The following MYO5B variants were observed in gnomAD, a reference collection of about 807,000 sequenced individuals.
MYO5B encodes the protein unconventional myosin-Vb.
A neutral mutation model predicts 229.3 loss-of-function variants in MYO5B; 143 were observed. The ratio of observed to expected loss-of-function variants is 0.62; its 90% CI spans 0.54 to 0.72. The LOEUF is 0.72. MYO5B is among the 30% of genes least tolerant of loss of function. The probability of loss-of-function intolerance (pLI) is 0.00; values close to 1 mark genes in which losing one functional copy is unlikely to be tolerated. For missense variants in MYO5B, 2,321 were observed against 2,331.0 expected (o/e 1.00, Z 0.09); for synonymous variants, 918 against 885.2 (o/e 1.04, Z -0.66).
chr18:49,915,097 G>A (rs902305556), intron 17 of MYO5B, among the ~76,000 whole-genome samples: 11 of 152,250 alleles, frequency 7.2e-5, no homozygotes, highest in East Asian at 3.9e-4. Context: ...GAGAAGGGGT[G>A]AGTATAAGAG....
intron 6 of MYO5B, among the ~76,000 whole-genome samples, chr18:49,991,830 T>TA (rs144501172): frequency 0.044 from 6,756 of 152,140 alleles, 181 homozygotes; most frequent in Non-Finnish European, 0.06. Context: ...TAATTTTTTT[T>TA]AAAAAATGGG....
At chr18:49,987,386 C>A (rs981574845) in intron 7 of MYO5B, among the ~76,000 whole-genome samples, 33 of 152,184 alleles carry the variant, frequency 2.2e-4, no homozygotes, top group African/African-American at 8.0e-4. Flanking sequence ...AGTCTTCCCC[C>A]ACCTGCTTGG....
Position 49,953,894 on chromosome 18 carries a change from ATGTGTGTGTGTGTGTGTGTGTGTGTG to A in MYO5B, c.1668+393_1668+418del, listed in dbSNP as rs71169463. Among the ~76,000 whole-genome samples the A allele has an allele frequency of 6.1e-4, 66 of 108,550 alleles. No homozygotes were observed. In the East Asian group the frequency reaches 0.012, roughly 19 times the overall value. 71.2% of individuals were successfully genotyped at this position (108,550 alleles called of 152,430 possible). ...TGCTTTAGAATTTATATATACATAT[ATGTGTGTGTGTGTGTGTGTGTGTGTG>A]TGTGTGTGTGTGTAGACTATATATA... is the stretch of plus-strand genomic sequence containing the variant. On this transcript the variant is annotated intron_variant, in intron 13 of 39. Coordinates refer to ENST00000285039, the MANE Select transcript of MYO5B (RefSeq NM_001080467.3).
At chr18:50,063,422 A>T (rs545929489) in intron 1 of MYO5B, among the ~76,000 whole-genome samples, 23 of 152,228 alleles carry the variant, frequency 1.5e-4, no homozygotes, top group Middle Eastern at 6.8e-3. Context: ...CATTAGGTAG[A>T]CTCCCAAGTC....
rs1058543 is a variant in MYO5B at position 49,826,489 on chromosome 18, T to G, written c.5529A>C (p.Glu1843Asp). 6.2e-7 allele frequency: 1 copy of G among 1,614,004 alleles called. No homozygotes were observed. Among genetic ancestry groups the G allele is most frequent in the Admixed American group, 1.7e-5 (1 of 60,008 alleles). ...TGCATCTTCAGACTTCATTGAGGAATTCCAGATTGAGACACGCTGGGATGT... is the reference window on the plus strand; with the variant it reads ...TGCATCTTCAGACTTCATTGAGGAAGTCCAGATTGAGACACGCTGGGATGT... ...SIHIPACLNLEFLNEV is the reference protein window; with the variant it reads ...SIHIPACLNLDFLNEV The change falls in exon 40 of 40, where the codon GAA becomes GAC. Residue 1843 changes from glutamate (E) to aspartate (D), a missense_variant. Coordinates refer to ENST00000285039, the MANE Select transcript of MYO5B (RefSeq NM_001080467.3).
chr18:50,110,733 T>C (rs73430307), intron 1 of MYO5B, among the ~76,000 whole-genome samples: 23,325 of 152,120 alleles, frequency 0.15, 3,287 homozygotes, highest in African/African-American at 0.38. Flanking sequence ...TTTCCAAATA[T>C]GTCTGTAGCA....
chr18:49,852,945 G>A (rs540900839), intron 31 of MYO5B, among the ~76,000 whole-genome samples: 4 of 152,302 alleles, frequency 2.6e-5, no homozygotes, highest in Non-Finnish European at 4.4e-5. Context: ...TCATAAGACA[G>A]GGGCCCTCTT....
intron 10 of MYO5B, among the ~76,000 whole-genome samples, chr18:49,973,996 C>T (rs753308154): frequency 1.3e-5 from 2 of 152,160 alleles, no homozygotes; most frequent in Admixed American, 1.3e-4. Flanking sequence ...AATTTAAGTT[C>T]CATTTCTCAC....
intron 22 of MYO5B, 62 bp downstream of exon 22, chr18:49,894,879 A>G: frequency 7.1e-7 from 1 of 1,406,838 alleles, no homozygotes; most frequent in South Asian, 1.2e-5. Context: ...GCTCTCTGAG[A>G]GGTGGCTCCG....
rs147097114 is a variant in MYO5B, at chr18:50,159,519, A to T, written c.27+35248T>A. Among the ~76,000 whole-genome samples, 639 of 152,200 alleles carry T rather than the reference A, an allele frequency of 4.2e-3. 4 individuals are homozygous for T. The highest frequency in any genetic ancestry group is 0.014 in the African/African-American group (568 of 41,532). The stretch of plus-strand genomic sequence containing the variant: ...GTCACCCACGGGAGAGCAGTCAACT[A>T]AAGCTCCCAGCTCCAGGTGCTCTGC... On this transcript the variant is annotated intron_variant, in intron 1 of 39. Transcript: ENST00000285039.
chr18:50,059,657 C>G (rs2030639854), intron 1 of MYO5B, among the ~76,000 whole-genome samples: 1 of 152,112 alleles, frequency 6.6e-6, no homozygotes, highest in South Asian at 2.1e-4. Flanking sequence ...TGAAGTGAAC[C>G]CCCTGTTCTG....
chr18:49,827,127 A>T (rs566384548), intron 39 of MYO5B, among the ~76,000 whole-genome samples: 1 of 152,360 alleles, frequency 6.6e-6, no homozygotes, highest in South Asian at 2.1e-4. Flanking sequence ...CTTGAAGTAG[A>T]AACAGTGATT....
At chr18:49,933,909 T>G (rs2025221427) in intron 16 of MYO5B, among the ~76,000 whole-genome samples, 1 of 152,200 alleles carries the variant, frequency 6.6e-6, no homozygotes, top group Admixed American at 6.5e-5. Context: ...ATAGTCTTCC[T>G]CTGTCATCCA....
chr18:50,062,887 T>G (rs1353291165), intron 1 of MYO5B, among the ~76,000 whole-genome samples: 2 of 152,132 alleles, frequency 1.3e-5, no homozygotes, highest in Non-Finnish European at 2.9e-5. Flanking sequence ...ACTCCCATCA[T>G]CAGGTAAGAG....
chr18:50,026,863 C>A (rs1371709246), intron 4 of MYO5B, among the ~76,000 whole-genome samples: 1 of 152,190 alleles, frequency 6.6e-6, no homozygotes, highest in East Asian at 1.9e-4. Flanking sequence ...GAGACACAAA[C>A]CCTGGTGCAA....
chr18:50,129,616 T>A (rs1283359517), intron 1 of MYO5B, among the ~76,000 whole-genome samples: 1 of 152,116 alleles, frequency 6.6e-6, no homozygotes, highest in African/African-American at 2.4e-5. Flanking sequence ...CACAGCCCTA[T>A]GAAACATCAT....
chr18:50,133,743 C>T (rs1380191998), intron 1 of MYO5B, among the ~76,000 whole-genome samples: 1 of 152,168 alleles, frequency 6.6e-6, no homozygotes, highest in Non-Finnish European at 1.5e-5. Context: ...TTGGTCAAAA[C>T]ACAAAGGCCC....
At chr18:50,152,301 T>C (rs2032611172) in intron 1 of MYO5B, among the ~76,000 whole-genome samples, 1 of 152,198 alleles carries the variant, frequency 6.6e-6, no homozygotes, top group African/African-American at 2.4e-5. Flanking sequence ...CTTAGGTGTT[T>C]AGGGGCTTAA....
intron 1 of MYO5B, among the ~76,000 whole-genome samples, chr18:50,067,002 C>T (rs2030836685): frequency 6.6e-6 from 1 of 152,138 alleles, no homozygotes; most frequent in Admixed American, 6.5e-5. Flanking sequence ...CCTTTCATGT[C>T]CAGTTGAAAA....
Sources: gnomAD v4.1 joint callset for allele counts (sites outside exome capture counted in the v4.1 genomes callset) on GRCh38, gnomAD v4.1.1 for gene constraint, MANE v1.5 for transcripts, NCBI Gene and HGNC (gene_info 2026-07-23, HGNC 2026-07-21) for gene names.